The following MSRA variants were observed in gnomAD, a reference collection of about 807,000 sequenced individuals.
MSRA encodes the protein methionine sulfoxide reductase A.
Under a neutral mutation model 31.3 loss-of-function variants are expected in MSRA, and 54 were observed. The ratio of observed to expected loss-of-function variants is 1.73; its 90% CI spans 1.39 to 2.17. The LOEUF is 2.17. MSRA is among the 30% of genes most tolerant of loss of function. The probability of loss-of-function intolerance (pLI) is 0.00; values close to 1 mark genes in which losing one functional copy is unlikely to be tolerated. For missense variants in MSRA, 507 were observed against 300.9 expected (o/e 1.69, Z -5.07); for synonymous variants, 169 against 116.5 (o/e 1.45, Z -2.90).
intron 1 of MSRA, among the ~76,000 whole-genome samples, chr8:10,096,823 T>C (rs1181739582): frequency 1.3e-5 from 2 of 152,216 alleles, no homozygotes; most frequent in Non-Finnish European, 1.5e-5. Flanking sequence ...TGTGTTACTG[T>C]GGATCACCCT....
chr8:10,153,248 TTG>T (rs1413736124), intron 1 of MSRA, among the ~76,000 whole-genome samples: 3 of 152,248 alleles, frequency 2.0e-5, no homozygotes, highest in East Asian at 3.9e-4. Context: ...GGCTGGACCG[TTG>T]TCTGGGGGGA....
intron 1 of MSRA, among the ~76,000 whole-genome samples, chr8:10,152,139 T>A (rs1368020289): frequency 6.6e-6 from 1 of 152,226 alleles, no homozygotes; most frequent in East Asian, 1.9e-4. Context: ...TGTATTGCAG[T>A]GGAAAATCCC....
At chr8:10,405,242 G>T (rs1476625680) in intron 5 of MSRA, among the ~76,000 whole-genome samples, 1 of 152,100 alleles carries the variant, frequency 6.6e-6, no homozygotes, top group Non-Finnish European at 1.5e-5. Flanking sequence ...CCTGTGCCTA[G>T]GTGGGGAGCT....
At chr8:10,325,426 TAATCAAGCAGTTTTA>T (rs890246293) in intron 5 of MSRA, among the ~76,000 whole-genome samples, 2 of 152,158 alleles carry the variant, frequency 1.3e-5, no homozygotes, top group Non-Finnish European at 2.9e-5. Context: ...TACTAAATGC[TAATCAAGCAGTTTTA>T]AGTCATGTAT....
At chr8:10,419,217 A>G (rs1808665961) in intron 5 of MSRA, among the ~76,000 whole-genome samples, 1 of 152,182 alleles carries the variant, frequency 6.6e-6, no homozygotes, top group African/African-American at 2.4e-5. Flanking sequence ...CACGTGTCGC[A>G]GGACAGAACA....
At chr8:10,099,212 T>C (rs189165881) in intron 1 of MSRA, among the ~76,000 whole-genome samples, 2 of 152,280 alleles carry the variant, frequency 1.3e-5, no homozygotes, top group East Asian at 3.9e-4. Context: ...GAAGAGGAGA[T>C]AAAAGTCACG....
intron 5 of MSRA, among the ~76,000 whole-genome samples, chr8:10,332,520 G>T (rs1022703472): frequency 6.6e-6 from 1 of 150,742 alleles, no homozygotes; most frequent in Non-Finnish European, 1.5e-5. Flanking sequence ...TAGCTTTGAG[G>T]TTAAAATTAC....
chr8:10,364,036 T>C (rs1243996170), intron 5 of MSRA, among the ~76,000 whole-genome samples: 2 of 152,226 alleles, frequency 1.3e-5, no homozygotes, highest in African/African-American at 4.8e-5. Context: ...GACCTTACCC[T>C]GTTCTCTGCC....
intron 5 of MSRA, among the ~76,000 whole-genome samples, chr8:10,342,211 G>A (rs1803472703): frequency 6.6e-6 from 1 of 152,172 alleles, no homozygotes; most frequent in Middle Eastern, 3.2e-3. Context: ...ATGGCCTTGA[G>A]CAGCAGTTCT....
intron 3 of MSRA, among the ~76,000 whole-genome samples, chr8:10,287,293 A>G (rs988548054): frequency 2.6e-5 from 4 of 152,236 alleles, no homozygotes; most frequent in African/African-American, 4.8e-5. Context: ...ACCTGAATTA[A>G]GCAAATAATT....
intron 1 of MSRA, among the ~76,000 whole-genome samples, chr8:10,205,274 G>C (rs763799932): frequency 2.6e-4 from 40 of 152,230 alleles, no homozygotes; most frequent in Admixed American, 1.2e-3. Flanking sequence ...ATGACATTTG[G>C]GGCTAGGGAG....
chr8:10,350,364 G>C (rs1455927735), intron 5 of MSRA, among the ~76,000 whole-genome samples: 1 of 152,236 alleles, frequency 6.6e-6, no homozygotes, highest in African/African-American at 2.4e-5. Context: ...CCAGCAGTTA[G>C]AGTGCGGGAC....
At chr8:10,273,479 A>G (rs1402895137) in intron 3 of MSRA, among the ~76,000 whole-genome samples, 2 of 152,184 alleles carry the variant, frequency 1.3e-5, no homozygotes, top group Non-Finnish European at 2.9e-5. Context: ...CTATCCCACA[A>G]TATTCTTTTA....
At chr8:10,352,190 C>T (rs958476227) in intron 5 of MSRA, among the ~76,000 whole-genome samples, 5 of 152,050 alleles carry the variant, frequency 3.3e-5, no homozygotes, top group Admixed American at 6.5e-5. Flanking sequence ...CATAGCTGGA[C>T]GAGAAGGAGA....
At chr8:10,152,671 G>A (rs1043009599) in intron 1 of MSRA, among the ~76,000 whole-genome samples, 10 of 152,134 alleles carry the variant, frequency 6.6e-5, no homozygotes, top group African/African-American at 2.4e-4. Flanking sequence ...GAAGAAAGAG[G>A]AAGCGCTGCC....
Position 10,271,037 on chromosome 8 carries a change from C to T in MSRA, c.331+25814C>T, listed in dbSNP as rs951902481. Among the ~76,000 whole-genome samples the T allele has an allele frequency of 5.3e-5, 8 of 150,810 alleles. No homozygotes were observed. The South Asian group carries it at 6.3e-4, about 12-fold the overall frequency. On this transcript the variant is annotated intron_variant, in intron 3 of 5. Transcript: ENST00000317173. ...ACATTTTTGTTCTGGCAATAAATAA[C>T]TTTAAGCTCATGTTTGAGTTCTTTC...
At chr8:10,270,068 A>C (rs1798949558) in intron 3 of MSRA, among the ~76,000 whole-genome samples, 1 of 152,268 alleles carries the variant, frequency 6.6e-6, no homozygotes, top group East Asian at 1.9e-4. Flanking sequence ...ACAGTGAAGG[A>C]AAAAAGTTTT....
At chr8:10,327,424 G>C (rs1031657096) in intron 5 of MSRA, among the ~76,000 whole-genome samples, 9 of 152,134 alleles carry the variant, frequency 5.9e-5, no homozygotes, top group Non-Finnish European at 1.3e-4. Context: ...CAAAGTGAAA[G>C]GTAAAAAAAC....
chr8:10,295,634 T>A (rs1585393917), intron 3 of MSRA, among the ~76,000 whole-genome samples: 2 of 152,100 alleles, frequency 1.3e-5, no homozygotes, highest in Non-Finnish European at 2.9e-5. Context: ...GAACTTGGGG[T>A]GTCATTCTCA....
Sources: allele counts gnomAD v4.1 joint callset (sites outside exome capture counted in the v4.1 genomes callset), GRCh38; gene constraint gnomAD v4.1.1; transcripts MANE v1.5; gene names NCBI Gene and HGNC (gene_info 2026-07-23, HGNC 2026-07-21).